NEO1: variants seen among roughly 807,000 people sequenced by gnomAD.
The protein encoded by NEO1 is neogenin 1, also known as neogenin.
Under a neutral mutation model 159.7 loss-of-function variants are expected in NEO1, and 63 were observed. The observed-to-expected ratio is 0.39, with a 90% CI of 0.32 to 0.49. NEO1 has a LOEUF of 0.49. Ranked by LOEUF, NEO1 falls within the 20% of genes least tolerant of loss-of-function variation. The pLI is 0.85. For synonymous variants in NEO1, 633 were observed against 662.0 expected, an observed-to-expected ratio of 0.96 and a Z score of 0.67; for missense variants, 1,615 against 1,831.0, an observed-to-expected ratio of 0.88 and a Z score of 2.15.
chr15:73,179,241 A>G (rs1429692288), intron 7 of NEO1, among the ~76,000 whole-genome samples: 1 of 152,182 alleles, frequency 6.6e-6, no homozygotes, highest in South Asian at 2.1e-4. Context: ...TCTAGACAAT[A>G]TAAGAATGGC....
intron 7 of NEO1, among the ~76,000 whole-genome samples, chr15:73,208,603 T>G (rs1421433949): frequency 6.6e-6 from 1 of 152,230 alleles, no homozygotes; most frequent in Admixed American, 6.5e-5. Context: ...GACTCATGCC[T>G]GTAATCCCAG....
At chr15:73,274,399 C>T (rs2041310003) in intron 20 of NEO1, among the ~76,000 whole-genome samples, 1 of 152,040 alleles carries the variant, frequency 6.6e-6, no homozygotes, top group Non-Finnish European at 1.5e-5. Flanking sequence ...GTGGACGTTA[C>T]AGAGAAAAAG....
intron 1 of NEO1, among the ~76,000 whole-genome samples, chr15:73,084,874 A>G (rs563831415): frequency 2.0e-5 from 3 of 151,924 alleles, no homozygotes; most frequent in Admixed American, 2.0e-4. Flanking sequence ...TAATAGTTTT[A>G]GGTTTCATCT....
In NEO1 at chr15:73,298,735, G is replaced by C. The variant is rs2042477985; in HGVS notation, c.4165+124G>C. 3 of 1,351,324 alleles carry C rather than the reference G, an allele frequency of 2.2e-6. No individual in the cohort carries two copies. The East Asian group carries it at 7.4e-5, about 33-fold the overall frequency. 83.7% of individuals were successfully genotyped at this position (1,351,324 alleles called of 1,614,324 possible). ...GCAAATATCCTCCAAGCCTATCTTAGCAATTCTGTTAGCGTAGCAGTGTGC... is the reference window on the plus strand; with the variant it reads ...GCAAATATCCTCCAAGCCTATCTTACCAATTCTGTTAGCGTAGCAGTGTGC... On this transcript the variant is annotated intron_variant, in intron 27 of 28. Transcript: ENST00000261908.
chr15:73,284,274 G>T (rs547535480), intron 23 of NEO1, among the ~76,000 whole-genome samples: 1 of 152,132 alleles, frequency 6.6e-6, no homozygotes, highest in Non-Finnish European at 1.5e-5. Context: ...GTGTTGCTCC[G>T]CTAGAGAAAG....
intron 4 of NEO1, among the ~76,000 whole-genome samples, chr15:73,128,591 A>T (rs899668034): frequency 6.6e-6 from 1 of 152,194 alleles, no homozygotes; most frequent in Non-Finnish European, 1.5e-5. Context: ...GATCTTACAG[A>T]GCTCATAGTC....
chr15:73,064,640 T>TG (rs2068123961), intron 1 of NEO1, among the ~76,000 whole-genome samples: 1 of 149,468 alleles, frequency 6.7e-6, no homozygotes, highest in Admixed American at 6.7e-5. Context: ...AGTTTCTTAA[T>TG]TTTTTTTTTA....
At chr15:73,061,511 G>A (rs1195910753) in intron 1 of NEO1, among the ~76,000 whole-genome samples, 2 of 152,184 alleles carry the variant, frequency 1.3e-5, no homozygotes, top group African/African-American at 4.8e-5. Flanking sequence ...GGGGAGGTGA[G>A]GTGGCAGGGT....
chr15:73,106,916 T>C (rs1311771496), intron 1 of NEO1, among the ~76,000 whole-genome samples: 1 of 152,236 alleles, frequency 6.6e-6, no homozygotes, highest in Non-Finnish European at 1.5e-5. Flanking sequence ...AGTGTCCTTG[T>C]ATTTTGTAAG....
chr15:73,157,561 C>T (rs1439939067), intron 5 of NEO1, among the ~76,000 whole-genome samples: 2 of 152,234 alleles, frequency 1.3e-5, no homozygotes. Flanking sequence ...CACCCTCTCC[C>T]CTACTGGGGA....
At chr15:73,246,853 G>C (rs928277008) in intron 9 of NEO1, among the ~76,000 whole-genome samples, 2 of 152,198 alleles carry the variant, frequency 1.3e-5, no homozygotes, top group Non-Finnish European at 2.9e-5. Flanking sequence ...GAGGGTCATT[G>C]TCAAATTTAG....
chr15:73,074,606 T>G (rs959770318), intron 1 of NEO1, among the ~76,000 whole-genome samples: 5 of 152,234 alleles, frequency 3.3e-5, no homozygotes, highest in African/African-American at 4.8e-5. Context: ...ATTTAGATTA[T>G]GGACACAATT....
intron 5 of NEO1, among the ~76,000 whole-genome samples, chr15:73,164,001 ATT>A (rs1202631757): frequency 6.9e-6 from 1 of 143,954 alleles, no homozygotes; most frequent in African/African-American, 2.6e-5. Flanking sequence ...CCGTATTTGT[ATT>A]TTGTTTCTTT....
chr15:73,235,711 C>A (rs530149421), intron 7 of NEO1, among the ~76,000 whole-genome samples: 2 of 152,272 alleles, frequency 1.3e-5, no homozygotes, highest in South Asian at 2.1e-4. Flanking sequence ...AGTTTATCAA[C>A]CTTCCCCCGC....
At chr15:73,268,114 T>A (rs1477646648) in intron 16 of NEO1, among the ~76,000 whole-genome samples, 1 of 152,196 alleles carries the variant, frequency 6.6e-6, no homozygotes, top group Admixed American at 6.5e-5. Context: ...TTTTTTAAGC[T>A]TCTATTTAAG....
intron 1 of NEO1, among the ~76,000 whole-genome samples, chr15:73,113,611 C>T (rs1458546842): frequency 6.6e-6 from 1 of 152,074 alleles, no homozygotes; most frequent in Non-Finnish European, 1.5e-5. Context: ...TCATTTTGTA[C>T]CTGTGATATC....
At position 73,304,272 on chromosome 15, in the gene NEO1, G is replaced by GT. The variant is rs2042712541; in HGVS notation, c.*1582dup. The GT allele has an allele frequency of 1.3e-5, 2 of 152,266 alleles. No homozygotes were observed. The highest frequency in any genetic ancestry group is 1.9e-4 in the East Asian group (1 of 5,178). The allele number at this position is 152,266 out of a possible 1,614,324, so 9.4% of individuals were successfully genotyped here. On this transcript the variant is annotated 3_prime_UTR_variant, in exon 29 of 29. Coordinates refer to ENST00000261908, the MANE Select transcript of NEO1 (RefSeq NM_002499.4). ...AAAAGGTAAGGAGCTGAGGTGTGTG[G>GT]TTTTTTAATATTAAGAATATATAAT...
At chr15:73,166,583 T>C (rs2034583164) in intron 5 of NEO1, among the ~76,000 whole-genome samples, 1 of 152,164 alleles carries the variant, frequency 6.6e-6, no homozygotes, top group Admixed American at 6.5e-5. Context: ...AGGCAATACA[T>C]GGAGGTTATA....
At chr15:73,198,667 T>C (rs993243446) in intron 7 of NEO1, among the ~76,000 whole-genome samples, 3 of 152,122 alleles carry the variant, frequency 2.0e-5, no homozygotes, top group Admixed American at 6.5e-5. Flanking sequence ...TTCTTGCTAC[T>C]TATTCTGTTA....
Sources: allele counts gnomAD v4.1 joint callset (sites outside exome capture counted in the v4.1 genomes callset), GRCh38; gene constraint gnomAD v4.1.1; transcripts MANE v1.5; gene names NCBI Gene and HGNC (gene_info 2026-07-23, HGNC 2026-07-21).